DAPK1: variants seen among roughly 807,000 people sequenced by gnomAD.
DAPK1 encodes death associated protein kinase 1, also known as death-associated protein kinase 1.
Under a neutral mutation model 144.9 loss-of-function variants are expected in DAPK1, and 56 were observed. That is an observed-to-expected ratio of 0.39 (90% CI 0.31 to 0.48). The LOEUF is 0.48. DAPK1 is among the 20% of genes least tolerant of loss of function. DAPK1 has a pLI of 0.95. For missense variants in DAPK1, 1,454 were observed against 1,875.4 expected, an observed-to-expected ratio of 0.78 and a Z score of 4.15; for synonymous variants, 690 against 749.0, an observed-to-expected ratio of 0.92 and a Z score of 1.29.
In DAPK1 at chr9:87,648,870, C is replaced by T. The variant is rs1283995252; in HGVS notation, c.1419C>T (p.Ile473=). 1 of 1,613,946 alleles carries T rather than the reference C, an allele frequency of 6.2e-7. No individual in the cohort carries two copies. Among genetic ancestry groups the T allele is most frequent in the Non-Finnish European group, 8.5e-7 (1 of 1,179,888 alleles). ...GCAGCTTCGGCTCAAATCCCAATATCCAGGACAAGGTGGGTCGTGACTGAC... is the reference window on the plus strand; with the variant it reads ...GCAGCTTCGGCTCAAATCCCAATATTCAGGACAAGGTGGGTCGTGACTGAC... ...LLCSFGSNPN[I]QDKEEETPLH... Residue 473 remains isoleucine, a synonymous_variant, in exon 15 of 26, where the codon ATC becomes ATT. Transcript: ENST00000408954.
intron 2 of DAPK1, among the ~76,000 whole-genome samples, chr9:87,582,471 C>T (rs1308038544): frequency 2.6e-5 from 4 of 151,890 alleles, no homozygotes; most frequent in East Asian, 3.9e-4. Flanking sequence ...TTGAGACTGA[C>T]GCACCTCCTC....
At chr9:87,619,195 T>C (rs1209408858) in intron 3 of DAPK1, among the ~76,000 whole-genome samples, 1 of 152,146 alleles carries the variant, frequency 6.6e-6, no homozygotes, top group African/African-American at 2.4e-5. Context: ...TCCAGTTAGG[T>C]TTAATTGTTT....
chr9:87,596,195 A>T lies in DAPK1; in HGVS notation c.63-8759A>T, dbSNP rs36206210. Among the ~76,000 whole-genome samples, 948 of 152,254 alleles carry T rather than the reference A, an allele frequency of 6.2e-3. 9 individuals carry two copies. The highest frequency in any genetic ancestry group is 0.022 in the African/African-American group (894 of 41,542). On this transcript the variant is annotated intron_variant, in intron 2 of 25. Transcript: ENST00000408954. Reference sequence around the variant, plus strand: ...AACATGTTGGGGTTAGGATCAAAGAAGGGGTTCCCGCTGAAGGTGCAGGGA... The same window carrying T: ...AACATGTTGGGGTTAGGATCAAAGATGGGGTTCCCGCTGAAGGTGCAGGGA...
At chr9:87,499,573 A>G (rs1272019376) in intron 2 of DAPK1, among the ~76,000 whole-genome samples, 1 of 152,236 alleles carries the variant, frequency 6.6e-6, no homozygotes, top group Non-Finnish European at 1.5e-5. Flanking sequence ...TTTCAGTGTA[A>G]TTTGAGCAAG....
intron 3 of DAPK1, among the ~76,000 whole-genome samples, chr9:87,628,206 G>T (rs556448255): frequency 6.6e-6 from 1 of 152,264 alleles, no homozygotes; most frequent in African/African-American, 2.4e-5. Context: ...GAATCCATGC[G>T]GCTCCTTTTA....
At chr9:87,675,893 A>ACACACACACACC (rs1157898314) in intron 19 of DAPK1, among the ~76,000 whole-genome samples, 2 of 133,618 alleles carry the variant, frequency 1.5e-5, no homozygotes, top group African/African-American at 5.6e-5. Context: ...ACACACACAC[A>ACACACACACACC]CACCCTTATG....
intron 11 of DAPK1, among the ~76,000 whole-genome samples, chr9:87,643,772 A>G (rs761566159): frequency 1.1e-4 from 17 of 152,136 alleles, no homozygotes; most frequent in Non-Finnish European, 2.1e-4. Flanking sequence ...ACACACATGC[A>G]CAGCAAATGC....
rs1056719 is a variant in DAPK1, at chr9:87,707,108, G to A, written c.4037G>A (p.Ser1346Asn). The A allele has an allele frequency of 0.64, 1,040,004 of 1,613,322 alleles. 338,958 individuals are homozygous for A. The highest frequency in any genetic ancestry group is 0.81 in the East Asian group (36,159 of 44,832). The change falls in exon 26 of 26, where the codon AGT (serine) becomes AAT (asparagine). Residue 1346 changes from serine (S) to asparagine (N), a missense_variant. Physicochemically the swap from Ser to Asn is conservative, Grantham distance 46 (BLOSUM62 1). Coordinates refer to ENST00000408954, the MANE Select transcript of DAPK1 (RefSeq NM_004938.4). This position sits in a 1 kb window ranked among gnomAD's most constrained non-coding sequence, Gnocchi z 4.0. ...LPDLVAKYNT[S>N]NGAPKDFLPS... ...GACCTCGTGGCAAAGTACAACACCAGTAACGGGGCTCCCAAGGATTTCCTC... is the reference window on the plus strand; with the variant it reads ...GACCTCGTGGCAAAGTACAACACCAATAACGGGGCTCCCAAGGATTTCCTC...
intron 14 of DAPK1, among the ~76,000 whole-genome samples, chr9:87,648,249 T>G (rs186159176): frequency 2.3e-4 from 35 of 152,376 alleles, no homozygotes; most frequent in Admixed American, 1.6e-3. Context: ...TAAAGTATCT[T>G]AAAGGATTTG....
At position 87,497,876 on chromosome 9, in the gene DAPK1, T is replaced by C. The variant is rs1004811683; in HGVS notation, c.-340T>C. ...AAGGAGCCGAGAGGCTGCTTCGGAG[T>C]GTGAGGAGGACAGCCGGACCGAGCC... On this transcript the variant is annotated 5_prime_UTR_variant, in exon 1 of 26. Coordinates refer to ENST00000408954, the MANE Select transcript of DAPK1 (RefSeq NM_004938.4). The C allele has an allele frequency of 5.1e-6, 2 of 392,902 alleles. No individual in the cohort carries two copies. Among genetic ancestry groups the C allele is most frequent in the Non-Finnish European group, 9.0e-6 (2 of 222,966 alleles). The allele number at this position is 392,902 out of a possible 1,614,324, so 24.3% of individuals were successfully genotyped here.
chr9:87,591,805 T>G (rs1828144068), intron 2 of DAPK1, among the ~76,000 whole-genome samples: 1 of 152,262 alleles, frequency 6.6e-6, no homozygotes, highest in Non-Finnish European at 1.5e-5. Flanking sequence ...ATTGTACAGC[T>G]TTGTAGCCAG....
chr9:87,601,324 G>T (rs1828507253), intron 2 of DAPK1, among the ~76,000 whole-genome samples: 1 of 152,212 alleles, frequency 6.6e-6, no homozygotes, highest in Admixed American at 6.5e-5. Flanking sequence ...GCCCCCAGGT[G>T]GGCCTGGCTG....
In DAPK1 at chr9:87,525,378, A is replaced by G. The variant is rs150860109; in HGVS notation, c.62+26239A>G. The G allele has an allele frequency of 3.4e-4, 547 of 1,611,488 alleles. 2 individuals are homozygous for G. The African/African-American group carries it at 4.9e-3, about 14-fold the overall frequency. On this transcript the variant is annotated intron_variant, in intron 2 of 25. Transcript: ENST00000408954. ...TCTCGCTCTTGTTGCGTGTGTTCAA[A>G]CAACCGGCACGGTCTGATCCGGAAA... is the stretch of plus-strand genomic sequence containing the variant.
chr9:87,502,793 G>T (rs1394433279), intron 2 of DAPK1, among the ~76,000 whole-genome samples: 2 of 152,148 alleles, frequency 1.3e-5, no homozygotes, highest in Non-Finnish European at 2.9e-5. Context: ...TATTAGTCTT[G>T]TATTACTCTT....
At position 87,498,121 on chromosome 9, in the gene DAPK1, C is replaced by T; in HGVS notation, c.-109+14C>T. On this transcript the variant is annotated intron_variant, in intron 1 of 25. Coordinates refer to ENST00000408954, the MANE Select transcript of DAPK1 (RefSeq NM_004938.4). ...CCAGGCGCCCGGGTGAGTAGCCAGG[C>T]GCGGCTCCCCGGTCCCCCCGACCCC... 5.0e-6 allele frequency: 2 copies of T among 397,396 alleles called. No individual in the cohort carries two copies. The highest frequency in any genetic ancestry group is 4.4e-6 in the Non-Finnish European group (1 of 225,582). The allele number at this position is 397,396 out of a possible 1,614,324, so 24.6% of individuals were successfully genotyped here. A position where few individuals can be genotyped will look rare whatever the true frequency, so the allele number is the denominator to read the frequency against.
rs558520188 is a variant in DAPK1 at position 87,620,072 on chromosome 9, G to T, written c.284+14897G>T. Among the ~76,000 whole-genome samples the T allele has an allele frequency of 3.3e-5, 5 of 152,274 alleles. No individual in the cohort carries two copies. The East Asian group carries it at 7.7e-4, about 24-fold the overall frequency. The stretch of plus-strand genomic sequence containing the variant: ...TCTGCTCTCCTTAGAGGCCTCTGGT[G>T]GGGGCAGATCTCTGCTCTCAGCCCC... On this transcript the variant is annotated intron_variant, in intron 3 of 25. Transcript: ENST00000408954.
chr9:87,588,676 A>G (rs887768362), intron 2 of DAPK1, among the ~76,000 whole-genome samples: 5 of 152,132 alleles, frequency 3.3e-5, no homozygotes, highest in African/African-American at 1.2e-4. Context: ...TATATTTCCA[A>G]ATAGAGACTA....
intron 25 of DAPK1, among the ~76,000 whole-genome samples, chr9:87,704,142 C>T (rs1373688678): frequency 1.3e-5 from 2 of 152,182 alleles, no homozygotes; most frequent in Non-Finnish European, 2.9e-5. Flanking sequence ...TTTAAACTCC[C>T]AGTTAAATGG....
chr9:87,579,960 G>A (rs2118821380), intron 2 of DAPK1, among the ~76,000 whole-genome samples: 2 of 152,286 alleles, frequency 1.3e-5, no homozygotes, highest in South Asian at 4.1e-4. Context: ...AGGAATGTGT[G>A]TTAAGTGTCT....
Sources: gnomAD v4.1 joint callset for allele counts (sites outside exome capture counted in the v4.1 genomes callset) on GRCh38, gnomAD v4.1.1 for gene constraint, Gnocchi (gnomAD v3.1) non-coding constraint, MANE v1.5 for transcripts, NCBI Gene and HGNC (gene_info 2026-07-23, HGNC 2026-07-21) for gene names.